KCNH1: variants seen among roughly 807,000 people sequenced by gnomAD.
KCNH1 encodes the protein potassium voltage-gated channel subfamily H member 1.
Under a neutral mutation model 69.2 loss-of-function variants are expected in KCNH1, and 27 were observed. The observed-to-expected ratio is 0.39, with a 90% CI of 0.29 to 0.54. The LOEUF (loss-of-function observed/expected upper bound fraction) is 0.54. Among genes scored for constraint, KCNH1 ranks in the 20% least tolerant of loss-of-function variants. The pLI is 0.68. For missense variants in KCNH1, 798 were observed against 1,261.6 expected (o/e 0.63, Z 5.57); for synonymous variants, 456 against 487.7 (o/e 0.93, Z 0.86).
In KCNH1 at chr1:210,919,479, T is replaced by C. The variant is rs987863784; in HGVS notation, c.1462+161A>G. The C allele has an allele frequency of 2.7e-6, 2 of 728,708 alleles. No homozygotes were observed. The highest frequency in any genetic ancestry group is 3.5e-5 in the African/African-American group (2 of 56,704). The allele number at this position is 728,708 out of a possible 1,614,324, so 45.1% of individuals were successfully genotyped here. A position where few individuals can be genotyped will look rare whatever the true frequency, so the allele number is the denominator to read the frequency against. On this transcript the variant is annotated intron_variant, in intron 7 of 10. Transcript: ENST00000271751. This position sits in a 1 kb window ranked among gnomAD's most constrained non-coding sequence, Gnocchi z 4.2. ...TTTCTAAATTTTTTTGCAGTAAGCA[T>C]ATACTGCTTTAATTATCAGGGTAAC...
rs1331570430 is a variant in KCNH1, at chr1:210,991,333, T to C, written c.1032+27450A>G. On this transcript the variant is annotated intron_variant, in intron 6 of 10. Transcript: ENST00000271751. ...CCATGGGTAAACCTGGAAGACATTA[T>C]GCTAAATGAAATAAGCCAGACACAG... Among the ~76,000 whole-genome samples, 4 of 152,170 alleles carry C rather than the reference T, an allele frequency of 2.6e-5. No individual in the cohort carries two copies. The East Asian group carries it at 5.8e-4, about 22-fold the overall frequency.
At chr1:210,808,058 C>G (rs575314247) in intron 7 of KCNH1, among the ~76,000 whole-genome samples, 25 of 152,318 alleles carry the variant, frequency 1.6e-4, no homozygotes, top group Middle Eastern at 3.4e-3. Flanking sequence ...GTTGAAGGTC[C>G]TGTCTCCTCC....
intron 7 of KCNH1, among the ~76,000 whole-genome samples, chr1:210,836,446 G>GT (rs1398174348): frequency 1.3e-5 from 2 of 152,188 alleles, no homozygotes; most frequent in African/African-American, 4.8e-5. Flanking sequence ...CTTTGGCAGA[G>GT]TCCAAGTGGA....
At chr1:211,033,240 A>G (rs965027293) in intron 5 of KCNH1, among the ~76,000 whole-genome samples, 2 of 152,238 alleles carry the variant, frequency 1.3e-5, no homozygotes, top group African/African-American at 4.8e-5. Flanking sequence ...TAGAATGGCG[A>G]TCATTAAAAA....
chr1:211,068,545 G>C (rs1190292802), intron 5 of KCNH1, among the ~76,000 whole-genome samples: 1 of 152,104 alleles, frequency 6.6e-6, no homozygotes, highest in Non-Finnish European at 1.5e-5. Context: ...ATAGGCACAT[G>C]CCACCATGCC....
chr1:210,980,905 T>C (rs777827439), intron 6 of KCNH1, among the ~76,000 whole-genome samples: 1 of 152,132 alleles, frequency 6.6e-6, no homozygotes, highest in African/African-American at 2.4e-5. Context: ...CATATAATGA[T>C]ACTGAGGCTT....
chr1:210,975,777 G>T (rs977207098), intron 6 of KCNH1, among the ~76,000 whole-genome samples: 6 of 152,282 alleles, frequency 3.9e-5, no homozygotes, highest in African/African-American at 1.4e-4. Context: ...AAGAGCTTCT[G>T]CACAGCAAAA....
chr1:211,098,057 A>G (rs1301281162), intron 3 of KCNH1, among the ~76,000 whole-genome samples: 2 of 152,214 alleles, frequency 1.3e-5, no homozygotes, highest in East Asian at 3.8e-4. Flanking sequence ...ATGGTGGCTC[A>G]TGCCTGTAAT....
At chr1:210,876,663 A>T (rs902491453) in intron 7 of KCNH1, among the ~76,000 whole-genome samples, 5 of 152,130 alleles carry the variant, frequency 3.3e-5, no homozygotes, top group South Asian at 2.1e-4. Context: ...CTTGAGAGGC[A>T]TTGAAAATGG....
chr1:210,872,741 C>G lies in KCNH1; in HGVS notation c.1462+46899G>C, dbSNP rs141229370. On this transcript the variant is annotated intron_variant, in intron 7 of 10. Coordinates refer to ENST00000271751, the MANE Select transcript of KCNH1 (RefSeq NM_172362.3). Reference sequence around the variant, plus strand: ...CTCACTCACTATCATGAGAACAGCACTGAGCAGATGATGCTACGCCATTCA... The same window carrying G: ...CTCACTCACTATCATGAGAACAGCAGTGAGCAGATGATGCTACGCCATTCA... 2.9e-3 allele frequency among the ~76,000 whole-genome samples: 439 copies of G among 152,246 alleles called. 2 individuals are homozygous for G. Among genetic ancestry groups the G allele is most frequent in the African/African-American group, 1.0e-2 (415 of 41,546 alleles).
intron 7 of KCNH1, among the ~76,000 whole-genome samples, chr1:210,898,014 C>T (rs1222958575): frequency 6.6e-6 from 1 of 152,208 alleles, no homozygotes; most frequent in Non-Finnish European, 1.5e-5. Context: ...CCTCCAGGAA[C>T]ATCTGGCTTA....
intron 7 of KCNH1, among the ~76,000 whole-genome samples, chr1:210,826,757 C>A (rs1273581446): frequency 6.6e-6 from 1 of 152,208 alleles, no homozygotes; most frequent in East Asian, 1.9e-4. Flanking sequence ...GACTTACACT[C>A]TGAAAGTTAC....
At chr1:210,822,709 C>A (rs545891272) in intron 7 of KCNH1, among the ~76,000 whole-genome samples, 1 of 152,246 alleles carries the variant, frequency 6.6e-6, no homozygotes, top group Non-Finnish European at 1.5e-5. Flanking sequence ...GTTGTTCCCT[C>A]CACATAAAAA....
chr1:210,906,692 A>T (rs1384188220), intron 7 of KCNH1, among the ~76,000 whole-genome samples: 1 of 152,214 alleles, frequency 6.6e-6, no homozygotes, highest in East Asian at 1.9e-4. Context: ...CTGATAATTC[A>T]GTGCTTTCTC....
At chr1:210,727,071 T>C (rs1377415987) in intron 10 of KCNH1, among the ~76,000 whole-genome samples, 2 of 152,216 alleles carry the variant, frequency 1.3e-5, no homozygotes, top group African/African-American at 4.8e-5. Context: ...ATTACTTATG[T>C]CTTGATGGTG....
intron 5 of KCNH1, among the ~76,000 whole-genome samples, chr1:211,066,866 T>C (rs1304502649): frequency 6.6e-6 from 1 of 152,158 alleles, no homozygotes; most frequent in African/African-American, 2.4e-5. Context: ...TACCATCTAA[T>C]TCTACTTATA....
intron 1 of KCNH1, among the ~76,000 whole-genome samples, chr1:211,112,213 A>G (rs1176540927): frequency 1.3e-5 from 2 of 149,376 alleles, no homozygotes; most frequent in African/African-American, 5.0e-5. Flanking sequence ...CCCGTCTGGG[A>G]AGTGAGGAGC....
rs536446477 is a variant in KCNH1 at position 210,997,214 on chromosome 1, G to A, written c.1032+21569C>T. ...AGGCTTCAGACGATCAAACTACTCCGAGCTACAGGAGGAAATTCAAACCAA... is the reference window on the plus strand; with the variant it reads ...AGGCTTCAGACGATCAAACTACTCCAAGCTACAGGAGGAAATTCAAACCAA... On this transcript the variant is annotated intron_variant, in intron 6 of 10. Coordinates refer to ENST00000271751, the MANE Select transcript of KCNH1 (RefSeq NM_172362.3). 2.1e-4 allele frequency among the ~76,000 whole-genome samples: 32 copies of A among 152,258 alleles called. No individual in the cohort carries two copies. The South Asian group carries it at 2.3e-3, about 11-fold the overall frequency.
chr1:210,929,164 G>A (rs945923935), intron 6 of KCNH1, among the ~76,000 whole-genome samples: 26 of 152,174 alleles, frequency 1.7e-4, no homozygotes, highest in African/African-American at 5.1e-4. Flanking sequence ...GGAATCCTCC[G>A]TAAATCATTC....
Sources: allele counts gnomAD v4.1 joint callset (sites outside exome capture counted in the v4.1 genomes callset), GRCh38; gene constraint gnomAD v4.1.1; non-coding constraint Gnocchi (gnomAD v3.1); transcripts MANE v1.5; gene names NCBI Gene and HGNC (gene_info 2026-07-23, HGNC 2026-07-21).